The following ZBBX variants were observed in gnomAD, a reference collection of about 807,000 sequenced individuals.
ZBBX encodes zinc finger B-box domain containing, also known as zinc finger B-box domain-containing protein 1.
In ZBBX, 101 loss-of-function variants were observed where a neutral mutation model predicts 108.5. That is an observed-to-expected ratio of 0.93 (90% CI 0.79 to 1.10). The LOEUF (loss-of-function observed/expected upper bound fraction) is 1.10, where lower values mean the gene tolerates loss of function less well. Ranked by LOEUF, ZBBX falls within the 50% of genes least tolerant of loss-of-function variation. The pLI is 0.00. For synonymous variants in ZBBX, 356 were observed against 323.4 expected (o/e 1.10, Z -1.08); for missense variants, 1,009 against 941.4 (o/e 1.07, Z -0.94).
At chr3:167,332,841 T>C (rs1171830770) in intron 10 of ZBBX, among the ~76,000 whole-genome samples, 1 of 152,174 alleles carries the variant, frequency 6.6e-6, no homozygotes, top group East Asian at 1.9e-4. Context: ...ATTCTACCTT[T>C]GGCAATTTAT....
In ZBBX at chr3:167,360,716, G is replaced by T; in HGVS notation, c.281C>A (p.Ala94Asp). 7.2e-7 allele frequency: 1 copy of T among 1,387,388 alleles called. No individual in the cohort carries two copies. Among genetic ancestry groups the T allele is most frequent in the Non-Finnish European group, 9.4e-7 (1 of 1,059,278 alleles). 85.9% of individuals were successfully genotyped at this position (1,387,388 alleles called of 1,614,324 possible). ...CAGCAATTTTAATTTCACTTTTCCA[G>T]CAGAAAACTGTATTAATAAAATAGA... ...QNKGNVVKFSAGKVKLKLLKE... is the reference protein window; with the variant it reads ...QNKGNVVKFSDGKVKLKLLKE... Residue 94 changes from alanine to aspartate, a missense_variant, in exon 7 of 22, where the codon GCT becomes GAT. By Grantham distance (126) the Ala-to-Asp change is moderately radical. Coordinates refer to ENST00000675490, the MANE Select transcript of ZBBX (RefSeq NM_001199201.2).
intron 20 of ZBBX, among the ~76,000 whole-genome samples, chr3:167,268,883 G>A (rs1269236548): frequency 6.6e-6 from 1 of 152,084 alleles, no homozygotes; most frequent in African/African-American, 2.4e-5. Context: ...ACTATACCAG[G>A]TCCAGACCCC....
chr3:167,218,276 T>C, the ZBBX span, among the ~76,000 whole-genome samples: 1 of 152,054 alleles, frequency 6.6e-6, no homozygotes, highest in Non-Finnish European at 1.5e-5. Context: ...TAAAAAATCA[T>C]CTGAAAGTGA....
At chr3:167,376,621 A>C (rs1405673625) in intron 2 of ZBBX, among the ~76,000 whole-genome samples, 1 of 152,198 alleles carries the variant, frequency 6.6e-6, no homozygotes, top group Non-Finnish European at 1.5e-5. Context: ...CAAAAAATGA[A>C]CGAACTTCTG....
the ZBBX span, among the ~76,000 whole-genome samples, chr3:167,204,595 T>C: frequency 2.0e-5 from 3 of 149,968 alleles, no homozygotes; most frequent in Admixed American, 6.7e-5. Context: ...GGCTGCATAG[T>C]ATTCCATGGT....
chr3:167,255,602 T>C (rs2108384968), intron 20 of ZBBX, among the ~76,000 whole-genome samples: 1 of 152,192 alleles, frequency 6.6e-6, no homozygotes, highest in South Asian at 2.1e-4. Context: ...CTAAAGCATA[T>C]AGTTAGAAAT....
chr3:167,208,087 C>G, the ZBBX span, among the ~76,000 whole-genome samples: 1 of 152,212 alleles, frequency 6.6e-6, no homozygotes, highest in Admixed American at 6.5e-5. Context: ...ACACAGAACT[C>G]AGCCAGTGCC....
intron 8 of ZBBX, among the ~76,000 whole-genome samples, chr3:167,351,906 C>T (rs554906942): frequency 6.6e-6 from 1 of 152,224 alleles, no homozygotes; most frequent in South Asian, 2.1e-4. Flanking sequence ...GTCTGCTGGC[C>T]TTTCCATTAG....
At chr3:167,289,239 A>G (rs1420889519) in intron 18 of ZBBX, among the ~76,000 whole-genome samples, 1 of 152,246 alleles carries the variant, frequency 6.6e-6, no homozygotes. Context: ...AACACATTTG[A>G]ATACATAAGA....
At chr3:167,378,912 G>A (rs75516538) in intron 2 of ZBBX, among the ~76,000 whole-genome samples, 3,282 of 152,146 alleles carry the variant, frequency 0.022, 49 homozygotes, top group Non-Finnish European at 0.036. Flanking sequence ...GCTATTGTAT[G>A]TTACCTTGTG....
At position 167,282,468 on chromosome 3, in the gene ZBBX, G is replaced by C. The variant is rs12638625; in HGVS notation, c.2024C>G (p.Ala675Gly). 0.32 allele frequency: 519,203 copies of C among 1,607,582 alleles called. 87,521 individuals carry two copies. The highest frequency in any genetic ancestry group is 0.64 in the East Asian group (28,453 of 44,790). The change falls in exon 20 of 22, where the codon GCA becomes GGA. Residue 675 changes from alanine to glycine, a missense_variant. Physicochemically the swap from Ala to Gly is moderately conservative, Grantham distance 60. Transcript: ENST00000675490. The stretch of plus-strand genomic sequence containing the variant: ...AACAGAGTTGGAAAGTGGAAAATTT[G>C]CTGTTGAAGGTCTCTGTGATTTCTG... Reference protein sequence around the residue: ...MGQKSQRPSTANFPLSNSVKE... With the variant: ...MGQKSQRPSTGNFPLSNSVKE...
chr3:167,240,647 T>C lies in ZBBX; in HGVS notation c.*146A>G. The C allele has an allele frequency of 1.1e-6, 1 of 870,718 alleles. No homozygotes were observed. Among genetic ancestry groups the C allele is most frequent in the Non-Finnish European group, 1.7e-6 (1 of 585,780 alleles). The allele number at this position is 870,718 out of a possible 1,614,324, so 53.9% of individuals were successfully genotyped here. A position where few individuals can be genotyped will look rare whatever the true frequency, so the allele number is the denominator to read the frequency against. On this transcript the variant is annotated 3_prime_UTR_variant, in exon 22 of 22. Transcript: ENST00000675490. ...GAATAAGCCCTTGAACTTATAATTT[T>C]ACTTTTATTAGTTTGTAGCCTTGAA...
At chr3:167,231,240 G>A in the ZBBX span, among the ~76,000 whole-genome samples, 1 of 151,782 alleles carries the variant, frequency 6.6e-6, no homozygotes, top group South Asian at 2.1e-4. Context: ...GAGATTGTCA[G>A]TCTCTAAGAG....
Position 167,282,282 on chromosome 3 carries a change from A to G in ZBBX, c.2210T>C (p.Leu737Ser). The G allele has an allele frequency of 1.2e-6, 2 of 1,613,830 alleles. No homozygotes were observed. The highest frequency in any genetic ancestry group is 1.7e-6 in the Non-Finnish European group (2 of 1,179,898). Residue 737 changes from leucine (L) to serine (S), a missense_variant, in exon 20 of 22, where the codon TTA (leucine) becomes TCA (serine). Transcript: ENST00000675490. ...TTGTAATTCTTTTTCCAAATTGTCT[A>G]AAGTATGTTGATCAGTAGTGTCATC... The part of the protein sequence containing the change: ...SLDDTTDQHT[L>S]DNLEKELQVL...
At position 167,315,790 on chromosome 3, in the gene ZBBX, G is replaced by T; in HGVS notation, c.1234C>A (p.Pro412Thr). Residue 412 changes from proline to threonine, a missense_variant, in exon 15 of 22, where the codon CCT (proline) becomes ACT (threonine). By Grantham distance (38) the Pro-to-Thr change is conservative (BLOSUM62 -1). Coordinates refer to ENST00000675490, the MANE Select transcript of ZBBX (RefSeq NM_001199201.2). ...EEFEEAENIVPYKVKLADADS... is the reference protein window; with the variant it reads ...EEFEEAENIVTYKVKLADADS... ...GCATCAGCTAATTTAACTTTGTAAG[G>T]CACAATATTTTCTGCTTCTTCAAAT... is the stretch of plus-strand genomic sequence containing the variant. The T allele has an allele frequency of 1.2e-6, 2 of 1,606,672 alleles. No homozygotes were observed. Among genetic ancestry groups the T allele is most frequent in the Non-Finnish European group, 1.7e-6 (2 of 1,175,908 alleles).
chr3:167,198,931 A>C, the ZBBX span, among the ~76,000 whole-genome samples: 1 of 152,200 alleles, frequency 6.6e-6, no homozygotes, highest in South Asian at 2.1e-4. Flanking sequence ...CTGGAAAGCA[A>C]TTCAATGATA....
the ZBBX span, among the ~76,000 whole-genome samples, chr3:167,192,042 A>G: frequency 6.6e-6 from 1 of 150,908 alleles, no homozygotes. Context: ...ATCAACTTAC[A>G]TATTTTTATA....
At chr3:167,284,333 T>C (rs1012935632) in intron 19 of ZBBX, among the ~76,000 whole-genome samples, 10 of 151,964 alleles carry the variant, frequency 6.6e-5, no homozygotes, top group African/African-American at 2.4e-4. Context: ...AAGGAAGCAA[T>C]AGCACAGGCA....
chr3:167,364,596 GAAT>G (rs1745043223), intron 6 of ZBBX, among the ~76,000 whole-genome samples: 1 of 151,596 alleles, frequency 6.6e-6, no homozygotes, highest in African/African-American at 2.4e-5. Flanking sequence ...TGTGAAACTG[GAAT>G]AATAATAACA....
Sources: gnomAD v4.1 joint callset for allele counts (sites outside exome capture counted in the v4.1 genomes callset) on GRCh38, gnomAD v4.1.1 for gene constraint, MANE v1.5 for transcripts, NCBI Gene and HGNC (gene_info 2026-07-23, HGNC 2026-07-21) for gene names.